SGK3: variants seen among roughly 807,000 people sequenced by gnomAD.
SGK3 encodes serine/threonine-protein kinase Sgk3.
Under a neutral mutation model 68.5 loss-of-function variants are expected in SGK3, and 47 were observed. The ratio of observed to expected loss-of-function variants is 0.69; its 90% CI spans 0.54 to 0.87. The LOEUF is 0.87. Ranked by LOEUF, SGK3 falls within the 40% of genes least tolerant of loss-of-function variation. The pLI, the probability that SGK3 is intolerant of heterozygous loss-of-function variation, is 0.00. For synonymous variants in SGK3, 181 were observed against 189.1 expected (o/e 0.96, Z 0.35); for missense variants, 479 against 575.5 (o/e 0.83, Z 1.72).
chr8:66,847,000 A>G (rs1810053010), intron 14 of SGK3, among the ~76,000 whole-genome samples, 193 bp from the exon 15 acceptor site: 1 of 152,172 alleles, frequency 6.6e-6, no homozygotes, highest in African/African-American at 2.4e-5. Flanking sequence ...TTCAGTGAAC[A>G]CTTATTAAGC....
intron 1 of SGK3, among the ~76,000 whole-genome samples, chr8:66,783,275 T>G (rs542871170): frequency 6.6e-6 from 1 of 152,234 alleles, no homozygotes; most frequent in Non-Finnish European, 1.5e-5. Context: ...TGGTGAGGTG[T>G]CTGTTAAGGT....
intron 3 of SGK3, among the ~76,000 whole-genome samples, chr8:66,801,017 A>G (rs1807922824): frequency 6.6e-6 from 1 of 152,172 alleles, no homozygotes; most frequent in Non-Finnish European, 1.5e-5. Flanking sequence ...CTCAGAAATA[A>G]CTGTTAACAT....
At chr8:66,800,331 ACT>A (rs1204631848) in intron 3 of SGK3, among the ~76,000 whole-genome samples, 2 of 127,726 alleles carry the variant, frequency 1.6e-5, no homozygotes, top group Admixed American at 8.5e-5. Context: ...ACGGAGCGAG[ACT>A]CTCTCTCAAA....
At chr8:66,747,957 T>A (rs1805699032) in intron 1 of SGK3, among the ~76,000 whole-genome samples, 1 of 152,216 alleles carries the variant, frequency 6.6e-6, no homozygotes, top group South Asian at 2.1e-4. Flanking sequence ...GCTTGGATTC[T>A]CGCACTGTGG....
chr8:66,741,568 T>A lies in SGK3; in HGVS notation c.-122+28735T>A, dbSNP rs181128358. Among the ~76,000 whole-genome samples, 351 of 151,664 alleles carry A rather than the reference T, an allele frequency of 2.3e-3. 1 individual carries two copies. The highest frequency in any genetic ancestry group is 3.5e-3 in the Non-Finnish European group (238 of 67,890). On this transcript the variant is annotated intron_variant, in intron 1 of 16. Coordinates refer to ENST00000521198, the MANE Select transcript of SGK3 (RefSeq NM_001033578.3). ...CCATCTCAAAAAATAATAATAATAATAATTATATGTTGGTGGGGCTGGGTA... is the reference window on the plus strand; with the variant it reads ...CCATCTCAAAAAATAATAATAATAAAAATTATATGTTGGTGGGGCTGGGTA...
chr8:66,734,248 T>TTTTCTTTTTTTTC (rs1805251863), intron 1 of SGK3, among the ~76,000 whole-genome samples: 1 of 145,268 alleles, frequency 6.9e-6, no homozygotes, highest in Non-Finnish European at 1.5e-5. Flanking sequence ...TTTTTTTTTT[T>TTTTCTTTTTTTTC]TACCATTTTG....
intron 3 of SGK3, among the ~76,000 whole-genome samples, chr8:66,803,852 G>A (rs957864937): frequency 6.6e-6 from 1 of 151,692 alleles, no homozygotes; most frequent in Non-Finnish European, 1.5e-5. Context: ...TAGAGACGAA[G>A]TTTCACTTAT....
chr8:66,715,351 G>A (rs1804602781), intron 1 of SGK3, among the ~76,000 whole-genome samples: 1 of 151,948 alleles, frequency 6.6e-6, no homozygotes, highest in African/African-American at 2.4e-5. Context: ...TCCGCCTCCC[G>A]GGTTCAAGCG....
Position 66,860,653 on chromosome 8 carries a change from T to C in SGK3, c.*1072T>C, listed in dbSNP as rs1472646163. On this transcript the variant is annotated 3_prime_UTR_variant, in exon 17 of 17. Coordinates refer to ENST00000521198, the MANE Select transcript of SGK3 (RefSeq NM_001033578.3). ...CAAAAATGAATGTCTGTCATATATT[T>C]ATATTACAAATACATTATATTTATG... 1 of 152,204 alleles carries C rather than the reference T, an allele frequency of 6.6e-6. No individual in the cohort carries two copies. Among genetic ancestry groups the C allele is most frequent in the Non-Finnish European group, 1.5e-5 (1 of 68,030 alleles). The allele number at this position is 152,204 out of a possible 1,614,324, so 9.4% of individuals were successfully genotyped here. A position where few individuals can be genotyped will look rare whatever the true frequency, so the allele number is the denominator to read the frequency against.
Position 66,822,373 on chromosome 8 carries a change from C to T in SGK3, c.331C>T (p.Pro111Ser). The part of the protein sequence containing the change: ...LVRYPELYNH[P>S]DVRAFLQMDS... ...AATAAAGTTAATTTTTGTTTTTAGT[C>T]CAGATGTCAGAGCATTCCTTCAAAT... is the stretch of plus-strand genomic sequence containing the variant. Residue 111 changes from proline to serine, a missense_variant and splice_region_variant, in exon 6 of 17, where the codon CCA becomes TCA. Pro to Ser is a moderately conservative substitution (Grantham distance 74). Coordinates refer to ENST00000521198, the MANE Select transcript of SGK3 (RefSeq NM_001033578.3). 6.2e-7 allele frequency: 1 copy of T among 1,601,300 alleles called. No homozygotes were observed. Among genetic ancestry groups the T allele is most frequent in the South Asian group, 1.1e-5 (1 of 87,800 alleles).
At chr8:66,847,973 C>T (rs185992870) in intron 15 of SGK3, among the ~76,000 whole-genome samples, 243 of 150,984 alleles carry the variant, frequency 1.6e-3, no homozygotes, top group African/African-American at 5.5e-3. Context: ...GTGTAGTTAC[C>T]GGCATTATGT....
chr8:66,838,918 A>T (rs1809653232), intron 10 of SGK3, among the ~76,000 whole-genome samples: 1 of 152,200 alleles, frequency 6.6e-6, no homozygotes, highest in Non-Finnish European at 1.5e-5. Flanking sequence ...AAGTAGAATA[A>T]AAACAAATAA....
chr8:66,798,441 C>CA (rs372990676), intron 2 of SGK3, 101 bp from the exon 3 acceptor site: 122,420 of 784,506 alleles, frequency 0.16, 1 homozygote, highest in East Asian at 0.17. Context: ...CAGACTGTCT[C>CA]AAAAAAAAAA....
intron 1 of SGK3, among the ~76,000 whole-genome samples, chr8:66,718,210 A>G (rs1804693510): frequency 6.6e-6 from 1 of 150,396 alleles, no homozygotes; most frequent in African/African-American, 2.5e-5. Flanking sequence ...TTTTTAGTAG[A>G]AACAGGGTTT....
chr8:66,825,329 C>CTT (rs11347366), intron 6 of SGK3, among the ~76,000 whole-genome samples: 15 of 123,070 alleles, frequency 1.2e-4, no homozygotes, highest in South Asian at 5.0e-4. Flanking sequence ...TTATTAAGGA[C>CTT]TTTTTTTTTT....
chr8:66,830,713 A>G lies in SGK3; in HGVS notation c.468-541A>G, dbSNP rs144399238. On this transcript the variant is annotated intron_variant, in intron 7 of 16. Coordinates refer to ENST00000521198, the MANE Select transcript of SGK3 (RefSeq NM_001033578.3). ...ATGAGAATAAGCTGAGAAGTATTTT[A>G]TCTTTAATGTACAATAAGTGGTTTA... Among the ~76,000 whole-genome samples, 241 of 152,316 alleles carry G rather than the reference A, an allele frequency of 1.6e-3. 1 individual carries two copies. Among genetic ancestry groups the G allele is most frequent in the African/African-American group, 5.4e-3 (226 of 41,578 alleles).
At chr8:66,814,498 A>G (rs918335117) in intron 5 of SGK3, among the ~76,000 whole-genome samples, 2 of 152,222 alleles carry the variant, frequency 1.3e-5, no homozygotes, top group Non-Finnish European at 2.9e-5. Flanking sequence ...GTAACAGGAT[A>G]CAGAAAGCCT....
In SGK3 at chr8:66,847,285, G is replaced by A. The variant is rs1204064939; in HGVS notation, c.1167G>A (p.Trp389Ter). 6.2e-7 allele frequency: 1 copy of A among 1,613,910 alleles called. No individual in the cohort carries two copies. ...GGCCAGGAGTGAGTCTTACAGCCTGGTCCATTCTGGAAGAACTCCTAGAAA... is the reference window on the plus strand; with the variant it reads ...GGCCAGGAGTGAGTCTTACAGCCTGATCCATTCTGGAAGAACTCCTAGAAA... ...SLRPGVSLTA[W>*]SILEELLEKD... Residue 389 changes from tryptophan (W) to a stop codon, truncating the protein, a stop_gained, in exon 15 of 17, where the codon TGG (tryptophan) becomes TGA (stop). Coordinates refer to ENST00000521198, the MANE Select transcript of SGK3 (RefSeq NM_001033578.3). LOFTEE classifies it high-confidence loss of function.
intron 1 of SGK3, among the ~76,000 whole-genome samples, chr8:66,723,669 T>A (rs1372673747): frequency 6.6e-6 from 1 of 152,148 alleles, no homozygotes; most frequent in Admixed American, 6.6e-5. Flanking sequence ...GCTCTCAAAC[T>A]CCTGGGCTCA....
Sources: gnomAD v4.1 joint callset for allele counts (sites outside exome capture counted in the v4.1 genomes callset) on GRCh38, gnomAD v4.1.1 for gene constraint, MANE v1.5 for transcripts, NCBI Gene and HGNC (gene_info 2026-07-23, HGNC 2026-07-21) for gene names.